Variants in HS6ST3 observed in about 807,000 individuals in gnomAD.
HS6ST3 encodes heparan-sulfate 6-O-sulfotransferase 3.
Under a neutral mutation model 36.7 loss-of-function variants are expected in HS6ST3, and 12 were observed. The ratio of observed to expected loss-of-function variants is 0.33; its 90% CI spans 0.21 to 0.53. The LOEUF is 0.53. Among genes scored for constraint, HS6ST3 ranks in the 20% least tolerant of loss-of-function variants. HS6ST3 has a pLI of 0.95. For missense variants in HS6ST3, 584 were observed against 640.9 expected, an observed-to-expected ratio of 0.91 and a Z score of 0.96; for synonymous variants, 240 against 257.5, an observed-to-expected ratio of 0.93 and a Z score of 0.65.
chr13:96,176,020 G>T (rs1026239445), intron 1 of HS6ST3, among the ~76,000 whole-genome samples: 3 of 151,828 alleles, frequency 2.0e-5, no homozygotes, highest in Non-Finnish European at 2.9e-5. Flanking sequence ...GTAGAGACGG[G>T]GTTTTACCAT....
At chr13:96,671,593 T>C (rs899386891) in intron 1 of HS6ST3, among the ~76,000 whole-genome samples, 6 of 152,126 alleles carry the variant, frequency 3.9e-5, no homozygotes, top group Non-Finnish European at 5.9e-5. Flanking sequence ...TTAGCAAGGT[T>C]GGTTCCTTCT....
intron 1 of HS6ST3, among the ~76,000 whole-genome samples, chr13:96,288,052 G>A (rs907545043): frequency 6.6e-6 from 1 of 152,112 alleles, no homozygotes; most frequent in East Asian, 1.9e-4. Context: ...TTGGGAACTT[G>A]TTAGAAGTGC....
At chr13:96,729,133 A>G (rs1190713893) in intron 1 of HS6ST3, among the ~76,000 whole-genome samples, 1 of 152,172 alleles carries the variant, frequency 6.6e-6, no homozygotes, top group African/African-American at 2.4e-5. Flanking sequence ...ATAGGGTTCT[A>G]GTTGCAATGG....
At chr13:96,180,187 TACAC>T (rs1347005469) in intron 1 of HS6ST3, among the ~76,000 whole-genome samples, 1 of 152,108 alleles carries the variant, frequency 6.6e-6, no homozygotes, top group South Asian at 2.1e-4. Flanking sequence ...TATGCGGACA[TACAC>T]ACGCACACAC....
intron 1 of HS6ST3, among the ~76,000 whole-genome samples, chr13:96,419,659 G>A (rs1158213286): frequency 6.6e-6 from 1 of 152,170 alleles, no homozygotes; most frequent in East Asian, 1.9e-4. Context: ...AAGTCAAGGT[G>A]TCATAGGCCA....
chr13:96,550,928 T>G (rs569412013), intron 1 of HS6ST3, among the ~76,000 whole-genome samples: 1 of 152,292 alleles, frequency 6.6e-6, no homozygotes, highest in South Asian at 2.1e-4. Context: ...GCATGATATA[T>G]TTAGACAATT....
intron 1 of HS6ST3, among the ~76,000 whole-genome samples, chr13:96,541,263 C>T (rs2056176542): frequency 6.6e-6 from 1 of 152,100 alleles, no homozygotes; most frequent in African/African-American, 2.4e-5. Context: ...TCTTGACCTC[C>T]TGACCTCAAA....
At chr13:96,464,990 A>G (rs866251387) in intron 1 of HS6ST3, among the ~76,000 whole-genome samples, 28 of 113,944 alleles carry the variant, frequency 2.5e-4, no homozygotes, top group East Asian at 8.2e-4. Context: ...GTGTGTGTGC[A>G]TGCCCACACA....
chr13:96,097,521 A>C (rs960971949), intron 1 of HS6ST3, among the ~76,000 whole-genome samples: 2 of 152,188 alleles, frequency 1.3e-5, no homozygotes, highest in Admixed American at 6.5e-5. Context: ...GTAATCACTT[A>C]TCTTGTTTTT....
intron 1 of HS6ST3, among the ~76,000 whole-genome samples, chr13:96,770,843 A>G (rs952580775): frequency 6.6e-6 from 1 of 152,214 alleles, no homozygotes; most frequent in Admixed American, 6.5e-5. Context: ...CACATGCATA[A>G]TCAGCTATTG....
chr13:96,285,465 C>T (rs1370683910), intron 1 of HS6ST3, among the ~76,000 whole-genome samples: 1 of 152,142 alleles, frequency 6.6e-6, no homozygotes, highest in Non-Finnish European at 1.5e-5. Flanking sequence ...AATATGGTCA[C>T]ATATGTGATT....
chr13:96,757,177 C>T (rs1876852460), intron 1 of HS6ST3, among the ~76,000 whole-genome samples: 1 of 152,160 alleles, frequency 6.6e-6, no homozygotes, highest in Admixed American at 6.5e-5. Context: ...GTCTATACAA[C>T]ATAATGTAAT....
At chr13:96,790,079 G>C (rs1877746501) in intron 1 of HS6ST3, among the ~76,000 whole-genome samples, 1 of 151,798 alleles carries the variant, frequency 6.6e-6, no homozygotes, top group South Asian at 2.1e-4. Context: ...GAGTCCACAA[G>C]GCACTGGTTG....
chr13:96,516,114 T>A (rs997330621), intron 1 of HS6ST3, among the ~76,000 whole-genome samples: 3 of 151,168 alleles, frequency 2.0e-5, no homozygotes, highest in African/African-American at 7.3e-5. Flanking sequence ...CAGGCTGGAG[T>A]GCAGTGGGGT....
chr13:96,819,873 G>A (rs1352888936), intron 1 of HS6ST3, among the ~76,000 whole-genome samples: 1 of 151,606 alleles, frequency 6.6e-6, no homozygotes, highest in African/African-American at 2.4e-5. Flanking sequence ...GTCACATGGT[G>A]ACAGACCAGT....
intron 1 of HS6ST3, among the ~76,000 whole-genome samples, chr13:96,341,563 A>G (rs1333127462): frequency 6.6e-6 from 1 of 152,252 alleles, no homozygotes; most frequent in Non-Finnish European, 1.5e-5. Context: ...CTGGGGATCT[A>G]CAGTAATGTG....
At chr13:96,361,818 C>G (rs1273086876) in intron 1 of HS6ST3, among the ~76,000 whole-genome samples, 1 of 152,142 alleles carries the variant, frequency 6.6e-6, no homozygotes, top group Non-Finnish European at 1.5e-5. Context: ...ATTAGAGATG[C>G]CTTCATGTAG....
chr13:96,435,823 T>C (rs931398233), intron 1 of HS6ST3, among the ~76,000 whole-genome samples: 2 of 152,162 alleles, frequency 1.3e-5, no homozygotes, highest in African/African-American at 4.8e-5. Flanking sequence ...TATCAGACTT[T>C]AGAAAAGAAT....
At chr13:96,352,777 A>G (rs771295082) in intron 1 of HS6ST3, among the ~76,000 whole-genome samples, 9 of 152,340 alleles carry the variant, frequency 5.9e-5, no homozygotes, top group Admixed American at 5.2e-4. Context: ...GAAAAAGCTA[A>G]CATTTATTAA....
Sources: gnomAD v4.1 joint callset for allele counts (sites outside exome capture counted in the v4.1 genomes callset) on GRCh38, gnomAD v4.1.1 for gene constraint, MANE v1.5 for transcripts, NCBI Gene and HGNC (gene_info 2026-07-23, HGNC 2026-07-21) for gene names.